LRRFIP1: variants seen among roughly 807,000 people sequenced by gnomAD.
The protein encoded by LRRFIP1 is LRR binding FLII interacting protein 1, also known as leucine-rich repeat flightless-interacting protein 1.
Under a neutral mutation model 104.4 loss-of-function variants are expected in LRRFIP1, and 62 were observed. The observed-to-expected ratio is 0.59, with a 90% confidence interval of 0.48 to 0.73. The LOEUF is 0.73. Ranked by LOEUF, LRRFIP1 falls within the 30% of genes least tolerant of loss-of-function variation. The probability of loss-of-function intolerance (pLI) is 0.00; values close to 1 mark genes in which losing one functional copy is unlikely to be tolerated. For missense variants in LRRFIP1, 796 were observed against 824.5 expected (o/e 0.97, Z 0.42); for synonymous variants, 300 against 299.0 (o/e 1.00, Z -0.03).
chr2:237,685,105 CCCT>C (rs201336921), intron 1 of LRRFIP1, among the ~76,000 whole-genome samples: 213 of 19,522 alleles, frequency 0.011, 3 homozygotes, highest in African/African-American at 0.016. Flanking sequence ...TGTCTCCCTA[CCCT>C]CCCCCCCCCA....
At chr2:237,706,593 C>G (rs1219295328) in intron 1 of LRRFIP1, among the ~76,000 whole-genome samples, 1 of 152,200 alleles carries the variant, frequency 6.6e-6, no homozygotes, top group Non-Finnish European at 1.5e-5. Context: ...CTTTCCTTCT[C>G]TGTCTCCTCC....
At chr2:237,743,306 G>A (rs1296036021) in intron 11 of LRRFIP1, among the ~76,000 whole-genome samples, 15 of 151,884 alleles carry the variant, frequency 9.9e-5, no homozygotes, top group African/African-American at 3.6e-4. Context: ...GGGAGGGAGG[G>A]TGGTGCTGTT....
intron 15 of LRRFIP1, among the ~76,000 whole-genome samples, chr2:237,755,568 C>T (rs948686893): frequency 1.3e-5 from 2 of 152,184 alleles, no homozygotes; most frequent in South Asian, 2.1e-4. Context: ...TGCATCAACT[C>T]CTCAGGTTAA....
chr2:237,717,758 A>T lies in LRRFIP1; in HGVS notation c.202-4A>T. The T allele has an allele frequency of 6.2e-7, 1 of 1,608,054 alleles. No homozygotes were observed. Among genetic ancestry groups the T allele is most frequent in the East Asian group, 2.2e-5 (1 of 44,858 alleles). On this transcript the variant is annotated splice_region_variant and splice_polypyrimidine_tract_variant and intron_variant, in intron 3 of 23. Transcript: ENST00000308482. The surrounding 1 kb of genome is among the most constrained non-coding windows in gnomAD (Gnocchi z 4.2). ...GCCTAATTTTCTTTCCCTTCTGTCT[A>T]TAGAAATATTATGGGCTGGATACAA...
chr2:237,778,193 A>C (rs1211894906), intron 23 of LRRFIP1, among the ~76,000 whole-genome samples: 8 of 152,164 alleles, frequency 5.3e-5, no homozygotes, highest in Admixed American at 4.6e-4. Flanking sequence ...TGTAGGAATA[A>C]CTCCAGGCTT....
intron 1 of LRRFIP1, among the ~76,000 whole-genome samples, chr2:237,679,678 G>A (rs182849274): frequency 8.2e-4 from 125 of 152,206 alleles, no homozygotes; most frequent in Non-Finnish European, 1.5e-3. Context: ...GCATGATCTC[G>A]GCTCACTGCA....
chr2:237,717,584 A>G lies in LRRFIP1; in HGVS notation c.202-178A>G, dbSNP rs545892892. ...CACAGCTCACAGCCTGCATGACTGCACGGGTGGCGGTCCCTGTGGAGAAGC... is the reference window on the plus strand; with the variant it reads ...CACAGCTCACAGCCTGCATGACTGCGCGGGTGGCGGTCCCTGTGGAGAAGC... On this transcript the variant is annotated intron_variant, in intron 3 of 23. Transcript: ENST00000308482. This position sits in a 1 kb window ranked among gnomAD's most constrained non-coding sequence, Gnocchi z 4.2. Among the ~76,000 whole-genome samples the G allele has an allele frequency of 6.6e-6, 1 of 152,288 alleles. No homozygotes were observed. The highest frequency in any genetic ancestry group is 1.5e-5 in the Non-Finnish European group (1 of 67,994).
chr2:237,778,674 T>C (rs2061295648), intron 23 of LRRFIP1, among the ~76,000 whole-genome samples: 1 of 152,154 alleles, frequency 6.6e-6, no homozygotes, highest in Admixed American at 6.5e-5. Context: ...CCCAGCACTT[T>C]GGGAGGCCGA....
intron 23 of LRRFIP1, chr2:237,779,193 G>A (rs545416045): frequency 6.9e-5 from 18 of 261,518 alleles, no homozygotes; most frequent in South Asian, 2.8e-4. Flanking sequence ...CAGCCTGGGC[G>A]ACTGAGCGAG....
At chr2:237,684,979 T>C (rs1217148268) in intron 1 of LRRFIP1, among the ~76,000 whole-genome samples, 3 of 151,896 alleles carry the variant, frequency 2.0e-5, no homozygotes, top group Admixed American at 6.6e-5. Flanking sequence ...CCTAGCTACT[T>C]GGGAGGCTGA....
chr2:237,641,891 G>A (rs954073518), intron 1 of LRRFIP1, among the ~76,000 whole-genome samples: 3 of 152,180 alleles, frequency 2.0e-5, no homozygotes, highest in East Asian at 1.9e-4. Context: ...CTTCCAGGGC[G>A]TCGTCTTAGA....
In LRRFIP1 at chr2:237,735,530, C is replaced by A. The variant is rs1576012793; in HGVS notation, c.555+197C>A. ...TCAGGAAACCTCTGGTTGTTGGTTT[C>A]ATGTCCTCACTCATCAGGGAGAGTA... On this transcript the variant is annotated intron_variant, in intron 10 of 23. Transcript: ENST00000308482. The surrounding 1 kb of genome is among the most constrained non-coding windows in gnomAD (Gnocchi z 4.6). The A allele has an allele frequency of 3.6e-6, 2 of 557,560 alleles. No homozygotes were observed. The highest frequency in any genetic ancestry group is 6.3e-6 in the Non-Finnish European group (2 of 316,244). 34.5% of individuals were successfully genotyped at this position (557,560 alleles called of 1,614,324 possible).
At chr2:237,675,283 C>T (rs1450968779) in intron 1 of LRRFIP1, among the ~76,000 whole-genome samples, 1 of 152,184 alleles carries the variant, frequency 6.6e-6, no homozygotes, top group African/African-American at 2.4e-5. Flanking sequence ...TTAGGGGCTG[C>T]CTGTATTGCT....
chr2:237,728,070 T>C, intron 8 of LRRFIP1, 135 bp downstream of exon 8: 1 of 625,080 alleles, frequency 1.6e-6, no homozygotes, highest in South Asian at 2.1e-5. Context: ...GTCTTTTTTT[T>C]CCTAGCACAT....
chr2:237,779,040 G>A (rs1321113411), intron 23 of LRRFIP1, among the ~76,000 whole-genome samples: 3 of 152,154 alleles, frequency 2.0e-5, no homozygotes, highest in Admixed American at 1.3e-4. Context: ...TGGCCAACAT[G>A]GCAAAACCCC....
At chr2:237,664,823 G>C (rs2088869941) in intron 1 of LRRFIP1, among the ~76,000 whole-genome samples, 1 of 152,160 alleles carries the variant, frequency 6.6e-6, no homozygotes, top group African/African-American at 2.4e-5. Flanking sequence ...AAGGGAAATT[G>C]CTGGGTTCAA....
chr2:237,709,376 C>T (rs1575683810), intron 2 of LRRFIP1, among the ~76,000 whole-genome samples: 1 of 152,174 alleles, frequency 6.6e-6, no homozygotes, highest in African/African-American at 2.4e-5. Context: ...AAGGGACCAT[C>T]CACACTGAGC....
intron 1 of LRRFIP1, among the ~76,000 whole-genome samples, chr2:237,658,246 T>C (rs923100497): frequency 2.6e-5 from 4 of 152,196 alleles, no homozygotes; most frequent in African/African-American, 9.6e-5. Context: ...ATGAGTGCAA[T>C]TTATATAAAG....
At chr2:237,669,120 G>A (rs1040140184) in intron 1 of LRRFIP1, among the ~76,000 whole-genome samples, 1 of 152,144 alleles carries the variant, frequency 6.6e-6, no homozygotes, top group East Asian at 1.9e-4. Context: ...CTTCCGTATT[G>A]CTGGACACTG....
Sources: gnomAD v4.1 joint callset for allele counts (sites outside exome capture counted in the v4.1 genomes callset) on GRCh38, gnomAD v4.1.1 for gene constraint, Gnocchi (gnomAD v3.1) non-coding constraint, MANE v1.5 for transcripts, NCBI Gene and HGNC (gene_info 2026-07-23, HGNC 2026-07-21) for gene names.